GALK2: variants seen among roughly 807,000 people sequenced by gnomAD.
GALK2 encodes galactokinase 2.
A neutral mutation model predicts 52.4 loss-of-function variants in GALK2; 36 were observed. That is an observed-to-expected ratio of 0.69 (90% CI 0.53 to 0.91). The LOEUF is 0.91. Among genes scored for constraint, GALK2 ranks in the 40% least tolerant of loss-of-function variants. The pLI, the probability that GALK2 is intolerant of heterozygous loss-of-function variation, is 0.00. For missense variants in GALK2, 579 were observed against 559.1 expected, an observed-to-expected ratio of 1.04 and a Z score of -0.36; for synonymous variants, 176 against 199.1, an observed-to-expected ratio of 0.88 and a Z score of 0.98.
At position 49,364,810 on chromosome 15, in the gene GALK2, G is replaced by A. The variant is rs1407963018; in HGVS notation, c.427-2681G>A. On this transcript the variant is annotated intron_variant, in intron 3 of 3. Coordinates refer to the GALK2 transcript ENST00000558399. ...ATACTTTTATCTACCATTAGAGTTG[G>A]AAGAAACATTTGAGTAAAAAAGCAT... 2.0e-5 allele frequency among the ~76,000 whole-genome samples: 3 copies of A among 151,558 alleles called. No homozygotes were observed. The East Asian group carries it at 5.8e-4, about 29-fold the overall frequency.
chr15:49,324,159 G>A (rs1314319897), intron 9 of GALK2, among the ~76,000 whole-genome samples: 2 of 152,100 alleles, frequency 1.3e-5, no homozygotes, highest in Non-Finnish European at 1.5e-5. Context: ...AGGATTAATT[G>A]CTGCATTATC....
chr15:49,225,036 G>A (rs978175294), intron 3 of GALK2, among the ~76,000 whole-genome samples: 4 of 152,346 alleles, frequency 2.6e-5, no homozygotes, highest in Admixed American at 2.6e-4. Flanking sequence ...GTGGCCAGCA[G>A]ATAGGCTCTT....
intron 8 of GALK2, 106 bp from the exon 9 acceptor site, chr15:49,319,498 C>A: frequency 1.1e-6 from 1 of 872,472 alleles, no homozygotes; most frequent in Non-Finnish European, 1.8e-6. Flanking sequence ...GTTTAAGATA[C>A]TGATAATGAA....
chr15:49,363,489 G>T (rs1484748163), intron 3 of GALK2, among the ~76,000 whole-genome samples: 1 of 152,194 alleles, frequency 6.6e-6, no homozygotes, highest in African/African-American at 2.4e-5. Context: ...CTGAAACTTT[G>T]CTGAAGTTGT....
chr15:49,221,684 A>G (rs2141405418), intron 3 of GALK2, among the ~76,000 whole-genome samples: 1 of 152,080 alleles, frequency 6.6e-6, no homozygotes, highest in African/African-American at 2.4e-5. Flanking sequence ...AAATAAAAAA[A>G]TTAAAAAAAA....
intron 4 of GALK2, among the ~76,000 whole-genome samples, chr15:49,238,157 G>T (rs924663038): frequency 6.6e-6 from 1 of 152,114 alleles, no homozygotes; most frequent in Non-Finnish European, 1.5e-5. Flanking sequence ...GCATAATTAG[G>T]TAATAGTATT....
Position 49,283,651 on chromosome 15 carries a change from T to C in GALK2, c.689T>C (p.Val230Ala). Residue 230 changes from valine to alanine, a missense_variant, in exon 7 of 10, where the codon GTG becomes GCG. Coordinates refer to ENST00000560031, the MANE Select transcript of GALK2 (RefSeq NM_002044.4). ...GAVFVIANSC[V>A]EMNKAATSHF... ...GTGTTTGTGATTGCCAACAGTTGTG[T>C]GGAGATGAATAAGGCAGCAACTTCC... The C allele has an allele frequency of 6.2e-7, 1 of 1,614,080 alleles. No individual in the cohort carries two copies. Among genetic ancestry groups the C allele is most frequent in the Non-Finnish European group, 8.5e-7 (1 of 1,179,936 alleles).
Position 49,319,780 on chromosome 15 carries a change from C to G in GALK2, c.1144C>G (p.Leu382Val). 6.2e-7 allele frequency: 1 copy of G among 1,613,834 alleles called. No homozygotes were observed. Among genetic ancestry groups the G allele is most frequent in the East Asian group, 2.2e-5 (1 of 44,876 alleles). The change falls in exon 9 of 10, where the codon CTG (leucine) becomes GTG (valine). Residue 382 changes from leucine to valine, a missense_variant. By Grantham distance (32) the Leu-to-Val change is conservative (BLOSUM62 1). Transcript: ENST00000560031. ...RDMYECSCPELDQLVDICRKF... is the reference protein window; with the variant it reads ...RDMYECSCPEVDQLVDICRKF... ...CATGTATGAGTGCAGCTGCCCCGAG[C>G]TGGATCAGCTGGTGGACATCTGTCG...
At position 49,364,836 on chromosome 15, in the gene GALK2, AG is replaced by A. The variant is rs751880139; in HGVS notation, c.427-2652del. On this transcript the variant is annotated intron_variant, in intron 3 of 3. Coordinates refer to the GALK2 transcript ENST00000558399. ...AAGAAACATTTGAGTAAAAAAGCAT[AG>A]GGATGGGTCAAGGCATTTTTTTTTT... is the stretch of plus-strand genomic sequence containing the variant. Among the ~76,000 whole-genome samples, 51 of 152,286 alleles carry A rather than the reference AG, an allele frequency of 3.3e-4. 1 individual carries two copies. The Middle Eastern group carries it at 0.01, about 30-fold the overall frequency.
intron 8 of GALK2, among the ~76,000 whole-genome samples, chr15:49,314,158 T>C (rs1158039463): frequency 6.6e-6 from 1 of 152,256 alleles, no homozygotes; most frequent in Non-Finnish European, 1.5e-5. Flanking sequence ...TCATAAACTA[T>C]GTAACCATCT....
chr15:49,199,670 A>G (rs2087561424), intron 1 of GALK2, among the ~76,000 whole-genome samples: 2 of 152,176 alleles, frequency 1.3e-5, no homozygotes, highest in Admixed American at 1.3e-4. Context: ...TGAGAATTTG[A>G]ACGAAAGGAC....
intron 2 of GALK2, among the ~76,000 whole-genome samples, chr15:49,205,000 C>T (rs1211600604): frequency 6.6e-6 from 1 of 152,200 alleles, no homozygotes; most frequent in Admixed American, 6.5e-5. Flanking sequence ...AGTCTCCAGT[C>T]TCATCCAGGT....
chr15:49,316,611 T>C (rs1297220579), intron 8 of GALK2, among the ~76,000 whole-genome samples: 2 of 150,616 alleles, frequency 1.3e-5, no homozygotes, highest in African/African-American at 2.5e-5. Flanking sequence ...GCTCAAAGTA[T>C]AATACAAATA....
downstream of GALK2, among the ~76,000 whole-genome samples, chr15:49,334,983 C>A (rs913002063): frequency 6.6e-6 from 1 of 152,196 alleles, no homozygotes; most frequent in African/African-American, 2.4e-5. Context: ...TGCAAATGTT[C>A]CCCCAAGAAA....
chr15:49,227,320 A>G (rs1212953101), intron 3 of GALK2, among the ~76,000 whole-genome samples: 1 of 152,044 alleles, frequency 6.6e-6, no homozygotes, highest in Non-Finnish European at 1.5e-5. Context: ...TGTTGAGTGT[A>G]TATGTGTTTA....
chr15:49,203,688 A>G (rs118137490), intron 2 of GALK2, among the ~76,000 whole-genome samples: 1 of 152,290 alleles, frequency 6.6e-6, no homozygotes, highest in Non-Finnish European at 1.5e-5. Flanking sequence ...AATCCATTTT[A>G]AATTCATTTT....
intron 1 of GALK2, among the ~76,000 whole-genome samples, chr15:49,183,368 T>C (rs965426574): frequency 5.9e-5 from 9 of 152,192 alleles, no homozygotes; most frequent in African/African-American, 2.2e-4. Flanking sequence ...GTTTCCATTT[T>C]TATTTGTCTC....
At chr15:49,281,205 C>T (rs368948477) in intron 5 of GALK2, among the ~76,000 whole-genome samples, 1 of 152,182 alleles carries the variant, frequency 6.6e-6, no homozygotes, top group African/African-American at 2.4e-5. Context: ...GGATATTGGA[C>T]AAAAGTACAA....
chr15:49,268,846 C>T (rs1345542641), intron 5 of GALK2, among the ~76,000 whole-genome samples: 1 of 152,092 alleles, frequency 6.6e-6, no homozygotes, highest in African/African-American at 2.4e-5. Context: ...GTTTTTGTTC[C>T]ATTAGAAATT....
Sources: allele counts gnomAD v4.1 joint callset (sites outside exome capture counted in the v4.1 genomes callset), GRCh38; gene constraint gnomAD v4.1.1; transcripts MANE v1.5; gene names NCBI Gene and HGNC (gene_info 2026-07-23, HGNC 2026-07-21).